The following CCSER1 variants were observed in gnomAD, a reference collection of about 807,000 sequenced individuals.
CCSER1 encodes the protein serine-rich coiled-coil domain-containing protein 1.
A neutral mutation model predicts 82.0 loss-of-function variants in CCSER1; 41 were observed. That is an observed-to-expected ratio of 0.50 (90% confidence interval 0.39 to 0.65). The LOEUF is 0.65. CCSER1 is among the 30% of genes least tolerant of loss of function. The pLI is 0.00. For synonymous variants in CCSER1, 414 were observed against 383.9 expected, an observed-to-expected ratio of 1.08 and a Z score of -0.92; for missense variants, 1,119 against 1,064.2, an observed-to-expected ratio of 1.05 and a Z score of -0.72.
chr4:91,091,868 T>C (rs1424627359), intron 10 of CCSER1, among the ~76,000 whole-genome samples: 2 of 152,146 alleles, frequency 1.3e-5, no homozygotes, highest in Non-Finnish European at 2.9e-5. Context: ...CTGGGGAGAA[T>C]AAGCTGACTG....
At chr4:90,605,415 C>G (rs929502807) in intron 5 of CCSER1, among the ~76,000 whole-genome samples, 1 of 152,090 alleles carries the variant, frequency 6.6e-6, no homozygotes, top group Admixed American at 6.6e-5. Context: ...TTTATAATTC[C>G]TTAAAGTCAC....
At chr4:91,386,379 T>TAG (rs1374344431) in intron 10 of CCSER1, among the ~76,000 whole-genome samples, 1 of 152,066 alleles carries the variant, frequency 6.6e-6, no homozygotes, top group African/African-American at 2.4e-5. Flanking sequence ...CATGAGTCTA[T>TAG]ATTAGTATTA....
chr4:90,532,868 C>T (rs1252314615), intron 5 of CCSER1, among the ~76,000 whole-genome samples: 1 of 152,084 alleles, frequency 6.6e-6, no homozygotes, highest in Non-Finnish European at 1.5e-5. Context: ...AAGTATCTAT[C>T]TTGGCTTTTT....
chr4:90,962,262 A>G (rs1364596462), intron 9 of CCSER1, among the ~76,000 whole-genome samples: 3 of 152,102 alleles, frequency 2.0e-5, no homozygotes, highest in African/African-American at 7.2e-5. Flanking sequence ...AGATAAGCAT[A>G]CTAAGATGTA....
intron 8 of CCSER1, among the ~76,000 whole-genome samples, chr4:90,886,914 C>G (rs1722205802): frequency 3.9e-5 from 6 of 152,134 alleles, no homozygotes; most frequent in Admixed American, 3.9e-4. Flanking sequence ...ATTATTTCTC[C>G]TGTTTTTCAG....
In CCSER1 at chr4:91,179,291, C is replaced by A. The variant is rs138648209; in HGVS notation, c.2217+93297C>A. On this transcript the variant is annotated intron_variant, in intron 10 of 10. Transcript: ENST00000509176. The stretch of plus-strand genomic sequence containing the variant: ...GACAGTTATGTGTCTTGGGGTTACT[C>A]TTCTTGAGGAGTATCTTTGTGGCAT... 1.4e-3 allele frequency among the ~76,000 whole-genome samples: 218 copies of A among 152,212 alleles called. 2 individuals are homozygous for A. The East Asian group carries it at 0.03, about 21-fold the overall frequency.
At chr4:90,568,276 C>G (rs1156453546) in intron 5 of CCSER1, among the ~76,000 whole-genome samples, 1 of 152,132 alleles carries the variant, frequency 6.6e-6, no homozygotes, top group Non-Finnish European at 1.5e-5. Flanking sequence ...AAGTCTATTA[C>G]TATTTCTGTA....
chr4:90,134,059 C>T (rs562000133), intron 1 of CCSER1, among the ~76,000 whole-genome samples: 56 of 152,268 alleles, frequency 3.7e-4, no homozygotes, highest in Middle Eastern at 6.8e-3. Flanking sequence ...ATAGCAATGA[C>T]TGTAATGTGC....
intron 8 of CCSER1, among the ~76,000 whole-genome samples, chr4:90,913,734 A>G (rs563921675): frequency 3.3e-5 from 5 of 152,348 alleles, no homozygotes; most frequent in Admixed American, 6.5e-5. Flanking sequence ...AGTATGCTGT[A>G]TTCAGGAAAC....
At chr4:91,439,831 C>T (rs1412581696) in intron 10 of CCSER1, among the ~76,000 whole-genome samples, 2 of 152,120 alleles carry the variant, frequency 1.3e-5, no homozygotes, top group Non-Finnish European at 2.9e-5. Context: ...TTGGATAAAA[C>T]AGACTTTAAA....
Position 90,216,369 on chromosome 4 carries a change from T to C in CCSER1, c.-42+88538T>C, listed in dbSNP as rs1741032216. On this transcript the variant is annotated intron_variant, in intron 1 of 10. Transcript: ENST00000509176. ...AGGAAAGACTCAAAGGATTTCTCCC[T>C]ACAGCTGGAGTTCATAAGCTTCCAT... Among the ~76,000 whole-genome samples the C allele has an allele frequency of 2.0e-5, 3 of 152,332 alleles. No individual in the cohort carries two copies. In the South Asian group the frequency reaches 6.2e-4, roughly 32 times the overall value.
chr4:90,352,774 G>A (rs1202754276), intron 3 of CCSER1, among the ~76,000 whole-genome samples: 2 of 152,168 alleles, frequency 1.3e-5, no homozygotes, highest in South Asian at 2.1e-4. Flanking sequence ...CTGTAAAATG[G>A]GGGAATAATA....
rs75916922 is a variant in CCSER1, at chr4:91,294,424, C to T, written c.2217+208430C>T. Among the ~76,000 whole-genome samples, 835 of 151,816 alleles carry T rather than the reference C, an allele frequency of 5.5e-3. 4 individuals carry two copies. Among genetic ancestry groups the T allele is most frequent in the Non-Finnish European group, 7.1e-3 (479 of 67,888 alleles). On this transcript the variant is annotated intron_variant, in intron 10 of 10. Coordinates refer to ENST00000509176, the MANE Select transcript of CCSER1 (RefSeq NM_001145065.2). ...CTTGTCCCATTTTAAAATAATATGT[C>T]GAACTCTCTTATTGACTATCTGCTT...
chr4:91,506,112 A>C (rs1759467895), intron 10 of CCSER1, among the ~76,000 whole-genome samples: 1 of 152,300 alleles, frequency 6.6e-6, no homozygotes, highest in African/African-American at 2.4e-5. Flanking sequence ...ATTTTTGTAT[A>C]AGGTGTAAGG....
At chr4:90,321,316 T>A (rs1737109914) in intron 3 of CCSER1, among the ~76,000 whole-genome samples, 1 of 152,102 alleles carries the variant, frequency 6.6e-6, no homozygotes, top group Non-Finnish European at 1.5e-5. Flanking sequence ...AGGCAAAATT[T>A]GTCTTTCCAC....
chr4:91,067,801 A>G (rs188960468), intron 9 of CCSER1, among the ~76,000 whole-genome samples: 31 of 152,284 alleles, frequency 2.0e-4, no homozygotes, highest in African/African-American at 7.2e-4. Context: ...ATATTAGAGA[A>G]TACCTTTTGT....
At chr4:90,369,553 C>T (rs946532309) in intron 3 of CCSER1, among the ~76,000 whole-genome samples, 1 of 151,908 alleles carries the variant, frequency 6.6e-6, no homozygotes, top group Non-Finnish European at 1.5e-5. Context: ...TAATAATTTT[C>T]TTGGAAACCT....
intron 4 of CCSER1, among the ~76,000 whole-genome samples, chr4:90,411,001 A>G (rs192522231): frequency 6.6e-6 from 1 of 152,232 alleles, no homozygotes; most frequent in Non-Finnish European, 1.5e-5. Context: ...AAACACCTCT[A>G]CACAAATAAA....
intron 10 of CCSER1, among the ~76,000 whole-genome samples, chr4:91,511,082 G>A (rs1759792887): frequency 6.6e-6 from 1 of 151,958 alleles, no homozygotes; most frequent in Non-Finnish European, 1.5e-5. Context: ...TTATTGAATA[G>A]GGAGCCTTTC....
Sources: gnomAD v4.1 joint callset for allele counts (sites outside exome capture counted in the v4.1 genomes callset) on GRCh38, gnomAD v4.1.1 for gene constraint, MANE v1.5 for transcripts, NCBI Gene and HGNC (gene_info 2026-07-23, HGNC 2026-07-21) for gene names.